DZIP1: variants seen among roughly 807,000 people sequenced by gnomAD.
DZIP1 encodes the protein cilium assembly protein DZIP1.
In DZIP1, 97 loss-of-function variants were observed where a neutral mutation model predicts 107.6. That is an observed-to-expected ratio of 0.90 (90% CI 0.77 to 1.07). The LOEUF (loss-of-function observed/expected upper bound fraction) is 1.07, where lower values mean the gene tolerates loss of function less well. Ranked by LOEUF, DZIP1 falls within the 50% of genes least tolerant of loss-of-function variation. The pLI is 0.00. For missense variants in DZIP1, 1,035 were observed against 1,063.6 expected (o/e 0.97, Z 0.37); for synonymous variants, 390 against 386.4 (o/e 1.01, Z -0.11).
chr13:95,624,069 A>G (rs1381666447), intron 8 of DZIP1, among the ~76,000 whole-genome samples: 10 of 152,220 alleles, frequency 6.6e-5, no homozygotes, highest in African/African-American at 1.9e-4. Context: ...GTTTTAGGAA[A>G]GCCCTCAGGT....
At chr13:95,596,422 C>T (rs1000884930) in intron 15 of DZIP1, among the ~76,000 whole-genome samples, 5 of 152,074 alleles carry the variant, frequency 3.3e-5, no homozygotes, top group African/African-American at 1.2e-4. Flanking sequence ...TTTTAAAAAT[C>T]CTTGAATTTC....
At chr13:95,614,942 C>A (rs1468258568) in intron 10 of DZIP1, among the ~76,000 whole-genome samples, 1 of 152,102 alleles carries the variant, frequency 6.6e-6, no homozygotes, top group African/African-American at 2.4e-5. Context: ...ACAGCAGGCA[C>A]CAATCATGTG....
chr13:95,585,836 T>C (rs759546312), intron 21 of DZIP1, among the ~76,000 whole-genome samples, 170 bp downstream of exon 21: 4 of 152,220 alleles, frequency 2.6e-5, no homozygotes, highest in Non-Finnish European at 5.9e-5. Context: ...TCCAATATCT[T>C]TGTCTATGGA....
intron 16 of DZIP1, among the ~76,000 whole-genome samples, chr13:95,593,226 C>T (rs913096522): frequency 6.6e-6 from 1 of 152,170 alleles, no homozygotes; most frequent in African/African-American, 2.4e-5. Flanking sequence ...TACACATACA[C>T]AGATATCTGC....
intron 15 of DZIP1, among the ~76,000 whole-genome samples, chr13:95,597,842 A>G (rs1456501119): frequency 6.6e-6 from 1 of 152,216 alleles, no homozygotes; most frequent in African/African-American, 2.4e-5. Flanking sequence ...TTGCACTACA[A>G]TTAAATATTG....
At chr13:95,598,201 G>A (rs771378143) in intron 15 of DZIP1, among the ~76,000 whole-genome samples, 84 of 152,154 alleles carry the variant, frequency 5.5e-4, no homozygotes, top group Non-Finnish European at 6.3e-4. Context: ...AAGAAATAAG[G>A]AGGAAATGAA....
At chr13:95,596,534 T>C (rs899772504) in intron 15 of DZIP1, among the ~76,000 whole-genome samples, 17 of 152,258 alleles carry the variant, frequency 1.1e-4, no homozygotes, top group African/African-American at 3.9e-4. Flanking sequence ...CAGATGGTCC[T>C]GTAGAGGCCA....
intron 14 of DZIP1, among the ~76,000 whole-genome samples, chr13:95,600,623 G>A (rs906273205): frequency 6.6e-6 from 1 of 151,050 alleles, no homozygotes; most frequent in Non-Finnish European, 1.5e-5. Context: ...TAGATAGATA[G>A]ATAGATAGAC....
intron 14 of DZIP1, 143 bp from the exon 15 acceptor site, chr13:95,599,567 T>C (rs1296794476): frequency 1.4e-6 from 1 of 692,852 alleles, no homozygotes; most frequent in African/African-American, 1.8e-5. Context: ...GAAAAAACGT[T>C]GAGGCAATCA....
At chr13:95,598,620 T>TTTG (rs2044526461) in intron 15 of DZIP1, among the ~76,000 whole-genome samples, 1 of 152,120 alleles carries the variant, frequency 6.6e-6, no homozygotes, top group African/African-American at 2.4e-5. Context: ...GTATTGACAA[T>TTTG]TTGCTTTCTC....
chr13:95,637,604 ATCTCTCTCTCTCTC>A (rs10539901), intron 5 of DZIP1, among the ~76,000 whole-genome samples: 15,210 of 145,048 alleles, frequency 0.1, 883 homozygotes, highest in East Asian at 0.16. Flanking sequence ...GACATTAGCG[ATCTCTCTCTCTCTC>A]TCTCTCTCTC....
At chr13:95,643,943 C>T (rs1042385775) in intron 1 of DZIP1, among the ~76,000 whole-genome samples, 65 of 152,278 alleles carry the variant, frequency 4.3e-4, no homozygotes, top group African/African-American at 1.5e-3. Context: ...GGCCTGCGGG[C>T]CCGAGGTACC....
chr13:95,637,097 A>G (rs916259329), intron 5 of DZIP1: 1 of 152,204 alleles, frequency 6.6e-6, no homozygotes, highest in Admixed American at 6.5e-5. Context: ...TCTTCATCCA[A>G]TATGTCTTTC....
intron 13 of DZIP1, among the ~76,000 whole-genome samples, chr13:95,607,180 G>A (rs2044809635): frequency 1.3e-5 from 2 of 152,058 alleles, no homozygotes; most frequent in South Asian, 4.1e-4. Context: ...CTGAGTAACT[G>A]GGACTACAGG....
At chr13:95,632,555 C>G (rs1877314278) in intron 6 of DZIP1, among the ~76,000 whole-genome samples, 1 of 152,142 alleles carries the variant, frequency 6.6e-6, no homozygotes, top group South Asian at 2.1e-4. Flanking sequence ...CCACTGTCGC[C>G]CCAACAGTAG....
chr13:95,640,096 G>A (rs971796557), intron 5 of DZIP1, among the ~76,000 whole-genome samples: 2 of 151,686 alleles, frequency 1.3e-5, no homozygotes, highest in Non-Finnish European at 2.9e-5. Context: ...GGGTTTAAGC[G>A]ATTCTCCTGC....
At position 95,594,054 on chromosome 13, in the gene DZIP1, T is replaced by G; in HGVS notation, c.1570A>C (p.Lys524Gln). The G allele has an allele frequency of 6.2e-7, 1 of 1,608,032 alleles. No individual in the cohort carries two copies. Among genetic ancestry groups the G allele is most frequent in the Non-Finnish European group, 8.5e-7 (1 of 1,177,294 alleles). ...RENEQKLNNN[K>Q]MHLRKALKSN... ...TTCAAAGCTTTCCTTAAATGCATTT[T>G]GTTGTTATTTAATTTCTGTTCATTT... The change falls in exon 16 of 23, where the codon AAA becomes CAA. Residue 524 changes from lysine (K) to glutamine (Q), a missense_variant. Lys to Gln is a moderately conservative substitution (Grantham distance 53). Coordinates refer to ENST00000376829, the MANE Select transcript of DZIP1 (RefSeq NM_198968.4).
intron 21 of DZIP1, among the ~76,000 whole-genome samples, chr13:95,585,284 GGGT>G (rs2044131271): frequency 6.6e-6 from 1 of 152,086 alleles, no homozygotes; most frequent in African/African-American, 2.4e-5. Context: ...ATCTAACTGT[GGGT>G]ACATCAGACC....
chr13:95,603,306 C>CAAAAAAAAAAAA (rs34995131), intron 14 of DZIP1, among the ~76,000 whole-genome samples: 12 of 47,962 alleles, frequency 2.5e-4, no homozygotes, highest in African/African-American at 9.3e-4. Context: ...TGCCCAGTCT[C>CAAAAAAAAAAAA]AAAAAAAAAA....
Sources: gnomAD v4.1 joint callset for allele counts (sites outside exome capture counted in the v4.1 genomes callset) on GRCh38, gnomAD v4.1.1 for gene constraint, MANE v1.5 for transcripts, NCBI Gene and HGNC (gene_info 2026-07-23, HGNC 2026-07-21) for gene names.